Variants in C5orf34 observed in about 807,000 individuals in gnomAD.
C5orf34 encodes uncharacterized protein C5orf34.
A neutral mutation model predicts 78.4 loss-of-function variants in C5orf34; 73 were observed. The observed-to-expected ratio is 0.93, with a 90% CI of 0.77 to 1.13. The LOEUF (loss-of-function observed/expected upper bound fraction) is 1.13, where lower values mean the gene tolerates loss of function less well. Ranked by LOEUF, C5orf34 falls within the 50% of genes most tolerant of loss-of-function variation. The pLI is 0.00. For missense variants in C5orf34, 730 were observed against 732.7 expected (o/e 1.00, Z 0.04); for synonymous variants, 251 against 246.6 (o/e 1.02, Z -0.17).
intron 8 of C5orf34, 36 bp from the exon 9 acceptor site, chr5:43,492,926 G>A (rs1197361017): frequency 2.1e-6 from 3 of 1,433,018 alleles, no homozygotes. Flanking sequence ...AGGAAATAGA[G>A]TTATCTAAGA....
At chr5:43,492,106 C>A in intron 10 of C5orf34, 109 bp downstream of exon 10, 1 of 682,870 alleles carries the variant, frequency 1.5e-6, no homozygotes, top group Non-Finnish European at 2.4e-6. Flanking sequence ...CATTATTATC[C>A]ACATGGAAAA....
In C5orf34 at chr5:43,506,339, G is replaced by T. The variant is rs754414973; in HGVS notation, c.341C>A (p.Thr114Asn). 3 of 1,613,720 alleles carry T rather than the reference G, an allele frequency of 1.9e-6. No individual in the cohort carries two copies. Among genetic ancestry groups the T allele is most frequent in the Admixed American group, 3.3e-5 (2 of 59,982 alleles). ...VRWPSLDTDG[T>N]MIYMESGIVK... ...AATGCCACTCTCCATATATATCATG[G>T]TACCATCTGTATCAAGACTGGGCCA... is the stretch of plus-strand genomic sequence containing the variant. Residue 114 changes from threonine (T) to asparagine (N), a missense_variant, in exon 4 of 13, where the codon ACC (threonine) becomes AAC (asparagine). Physicochemically the swap from Thr to Asn is moderately conservative, Grantham distance 65. Coordinates refer to ENST00000306862, the MANE Select transcript of C5orf34 (RefSeq NM_198566.4).
At chr5:43,493,672 C>A in intron 7 of C5orf34, 60 bp from the exon 8 acceptor site, 1 of 895,240 alleles carries the variant, frequency 1.1e-6, no homozygotes, top group Non-Finnish European at 1.8e-6. Flanking sequence ...ATTCTAGCAA[C>A]CCATTTTCAC....
At chr5:43,488,581 T>G (rs1351891050) in intron 11 of C5orf34, 1 of 152,140 alleles carries the variant, frequency 6.6e-6, no homozygotes, top group African/African-American at 2.4e-5. Context: ...TATTTTTTAT[T>G]AAATTCTTTC....
Position 43,486,997 on chromosome 5 carries a change from T to G in C5orf34, c.1835A>C (p.Glu612Ala). 1 of 1,591,196 alleles carries G rather than the reference T, an allele frequency of 6.3e-7. No individual in the cohort carries two copies. The change falls in exon 13 of 13, where the codon GAA (glutamate) becomes GCA (alanine). Residue 612 changes from glutamate to alanine, a missense_variant. Coordinates refer to ENST00000306862, the MANE Select transcript of C5orf34 (RefSeq NM_198566.4). ...SSETLLGEVN[E>A]NRVSIALKKT... ...TTTCAATGCTATTGATACTCTATTT[T>G]CATTAACTTCTCCTAGCAAGGTTTC... is the stretch of plus-strand genomic sequence containing the variant.
intron 9 of C5orf34, 26 bp downstream of exon 9, chr5:43,492,692 AAT>A: frequency 6.4e-7 from 1 of 1,573,466 alleles, no homozygotes; most frequent in Non-Finnish European, 8.6e-7. Flanking sequence ...ACCAATAAAA[AAT>A]AGATCTAAGT....
chr5:43,496,316 C>T lies in C5orf34; in HGVS notation c.1153-1715G>A, dbSNP rs887196299. ...TTGAAGGAGTCCTTTCCCATCTCAG[C>T]AGCCTCCTTCTCAAATTTTTCAATG... is the stretch of plus-strand genomic sequence containing the variant. On this transcript the variant is annotated intron_variant, in intron 6 of 12. Coordinates refer to ENST00000306862, the MANE Select transcript of C5orf34 (RefSeq NM_198566.4). 1.6e-5 allele frequency: 25 copies of T among 1,583,310 alleles called. No individual in the cohort carries two copies. In the Admixed American group the frequency reaches 2.2e-4, roughly 14 times the overall value.
chr5:43,502,305 A>T, intron 6 of C5orf34, 67 bp downstream of exon 6: 3 of 1,531,072 alleles, frequency 2.0e-6, no homozygotes, highest in Non-Finnish European at 2.7e-6. Context: ...TCCCATATAT[A>T]TTTGGAATTA....
chr5:43,514,351 T>C (rs1428846325), intron 1 of C5orf34: 1 of 151,780 alleles, frequency 6.6e-6, no homozygotes, highest in Non-Finnish European at 1.5e-5. Context: ...AGATTACAGA[T>C]ATATATATAA....
chr5:43,495,428 A>G, intron 6 of C5orf34: 1 of 1,610,434 alleles, frequency 6.2e-7, no homozygotes, highest in Non-Finnish European at 8.5e-7. Context: ...CAGGATAATT[A>G]CCTGAGCAAT....
chr5:43,496,449 T>C (rs1745527806), intron 6 of C5orf34: 7 of 1,576,266 alleles, frequency 4.4e-6, no homozygotes, highest in Non-Finnish European at 6.0e-6. Context: ...TCTTTTCCTT[T>C]CCCATTTTGG....
intron 1 of C5orf34, among the ~76,000 whole-genome samples, chr5:43,512,341 C>A (rs1211752021): frequency 6.6e-6 from 1 of 152,250 alleles, no homozygotes; most frequent in African/African-American, 2.4e-5. Context: ...AACACTTTCA[C>A]TTTATCCCTA....
intron 12 of C5orf34, 76 bp from the exon 13 acceptor site, chr5:43,487,187 T>G: frequency 3.0e-6 from 2 of 672,570 alleles, no homozygotes; most frequent in Non-Finnish European, 2.3e-6. Flanking sequence ...AAGCATAGGC[T>G]TCATATTAAA....
At position 43,503,684 on chromosome 5, in the gene C5orf34, A is replaced by G. The variant is rs1561213914; in HGVS notation, c.1009T>C (p.Tyr337His). The G allele has an allele frequency of 6.2e-7, 1 of 1,612,726 alleles. No individual in the cohort carries two copies. Residue 337 changes from tyrosine to histidine, a missense_variant, in exon 5 of 13, where the codon TAC (tyrosine) becomes CAC (histidine). Physicochemically the swap from Tyr to His is moderately conservative, Grantham distance 83. Coordinates refer to ENST00000306862, the MANE Select transcript of C5orf34 (RefSeq NM_198566.4). Reference sequence around the variant, plus strand: ...CCTTACCTATATGTAACACCTTTGTACCAAACCATTTTCACTAGTTCAGGA... The same window carrying G: ...CCTTACCTATATGTAACACCTTTGTGCCAAACCATTTTCACTAGTTCAGGA... Reference protein sequence around the residue: ...SYPELVKMVWYKGVTYRLTHQ... With the variant: ...SYPELVKMVWHKGVTYRLTHQ...
intron 8 of C5orf34, among the ~76,000 whole-genome samples, chr5:43,493,101 T>A (rs571206582): frequency 6.6e-6 from 1 of 151,636 alleles, no homozygotes; most frequent in Admixed American, 6.6e-5. Context: ...GTCACTGTTC[T>A]GCTCTGAACT....
rs1203282088 is a variant in C5orf34, at chr5:43,494,620, G to T, written c.1153-19C>A. 1 of 1,491,152 alleles carries T rather than the reference G, an allele frequency of 6.7e-7. No homozygotes were observed. Among genetic ancestry groups the T allele is most frequent in the Non-Finnish European group, 9.2e-7 (1 of 1,082,628 alleles). 92.4% of individuals were successfully genotyped at this position (1,491,152 alleles called of 1,614,324 possible). A position where few individuals can be genotyped will look rare whatever the true frequency, so the allele number is the denominator to read the frequency against. On this transcript the variant is annotated intron_variant, in intron 6 of 12. Transcript: ENST00000306862. ...CTTCTCTCTGAAAATTAGTTAAAAT[G>T]AAAAATTTCATTAATAATAAATTTT...
chr5:43,495,362 G>A, intron 6 of C5orf34: 3 of 1,611,844 alleles, frequency 1.9e-6, no homozygotes, highest in East Asian at 2.2e-5. Context: ...TGCAATGTGA[G>A]CCGCGTGGCA....
chr5:43,512,449 C>T (rs557291467), intron 1 of C5orf34, among the ~76,000 whole-genome samples: 1 of 152,254 alleles, frequency 6.6e-6, no homozygotes, highest in Non-Finnish European at 1.5e-5. Context: ...TCACCTCTAT[C>T]TCTTTACTGA....
At chr5:43,490,771 T>C in intron 10 of C5orf34, 42 bp from the exon 11 acceptor site, 1 of 934,060 alleles carries the variant, frequency 1.1e-6, no homozygotes, top group South Asian at 1.7e-5. Flanking sequence ...AAAATGAACT[T>C]GAATACATTA....
Sources: gnomAD v4.1 joint callset for allele counts (sites outside exome capture counted in the v4.1 genomes callset) on GRCh38, gnomAD v4.1.1 for gene constraint, MANE v1.5 for transcripts, NCBI Gene and HGNC (gene_info 2026-07-23, HGNC 2026-07-21) for gene names.